The following ADGRV1 variants were observed in gnomAD, a reference collection of about 807,000 sequenced individuals.
ADGRV1 encodes the protein adhesion G protein-coupled receptor V1.
In ADGRV1, 359 loss-of-function variants were observed where a neutral mutation model predicts 596.2. That is an observed-to-expected ratio of 0.60 (90% confidence interval 0.55 to 0.66). The LOEUF (loss-of-function observed/expected upper bound fraction) is 0.66, where lower values mean the gene tolerates loss of function less well. Among genes scored for constraint, ADGRV1 ranks in the 30% least tolerant of loss-of-function variants. The pLI, the probability that ADGRV1 is intolerant of heterozygous loss-of-function variation, is 0.00. For missense variants in ADGRV1, 7,274 were observed against 7,575.6 expected, an observed-to-expected ratio of 0.96 and a Z score of 1.48; for synonymous variants, 2,681 against 2,679.2, an observed-to-expected ratio of 1.00 and a Z score of -0.02.
chr5:90,606,140 CT>C (rs1342551987), intron 1 of ADGRV1, among the ~76,000 whole-genome samples: 1 of 152,124 alleles, frequency 6.6e-6, no homozygotes, highest in Non-Finnish European at 1.5e-5. Context: ...CTTGGGATAC[CT>C]TTTTCTTAAA....
rs144561523 is a variant in ADGRV1 at position 90,703,939 on chromosome 5, A to G, written c.8286+144A>G. The stretch of plus-strand genomic sequence containing the variant: ...CTTCGTATGAATTCTTTGATGATGT[A>G]TTTAATTGTTTTTATCTTCCTTCTC... On this transcript the variant is annotated intron_variant, in intron 35 of 89. Coordinates refer to ENST00000405460, the MANE Select transcript of ADGRV1 (RefSeq NM_032119.4). 51 of 642,176 alleles carry G rather than the reference A, an allele frequency of 7.9e-5. No individual in the cohort carries two copies. In the East Asian group the frequency reaches 8.4e-4, roughly 11 times the overall value. The allele number at this position is 642,176 out of a possible 1,614,324, so 39.8% of individuals were successfully genotyped here. A position where few individuals can be genotyped will look rare whatever the true frequency, so the allele number is the denominator to read the frequency against.
At chr5:90,682,135 G>A (rs1318196012) in intron 27 of ADGRV1, among the ~76,000 whole-genome samples, 1 of 152,108 alleles carries the variant, frequency 6.6e-6, no homozygotes, top group Non-Finnish European at 1.5e-5. Flanking sequence ...CAAAGTGCTG[G>A]AAAAGATTTG....
At chr5:91,128,267 C>T (rs1178512715) in intron 87 of ADGRV1, among the ~76,000 whole-genome samples, 1 of 151,912 alleles carries the variant, frequency 6.6e-6, no homozygotes, top group Non-Finnish European at 1.5e-5. Flanking sequence ...TAGACAGTCC[C>T]TGACTTAGAA....
intron 59 of ADGRV1, among the ~76,000 whole-genome samples, chr5:90,772,591 G>C (rs1365946654): frequency 6.6e-6 from 1 of 152,124 alleles, no homozygotes; most frequent in Non-Finnish European, 1.5e-5. Flanking sequence ...ATGATTCTAA[G>C]TTTTTGCCAA....
intron 86 of ADGRV1, among the ~76,000 whole-genome samples, chr5:91,089,534 C>G (rs1790201955): frequency 6.6e-6 from 1 of 152,112 alleles, no homozygotes; most frequent in Non-Finnish European, 1.5e-5. Flanking sequence ...TGGCATTTAT[C>G]CAGATTGAGG....
At chr5:90,985,930 T>C (rs965506307) in intron 85 of ADGRV1, among the ~76,000 whole-genome samples, 1 of 152,072 alleles carries the variant, frequency 6.6e-6, no homozygotes, top group African/African-American at 2.4e-5. Context: ...ATAAGATCCC[T>C]GAATACTGAA....
intron 83 of ADGRV1, among the ~76,000 whole-genome samples, chr5:90,915,761 A>G (rs1449141978): frequency 6.6e-6 from 1 of 152,188 alleles, no homozygotes; most frequent in Non-Finnish European, 1.5e-5. Flanking sequence ...ATCATTAAAC[A>G]AAGTACTAAG....
chr5:90,592,312 C>A (rs1759614332), intron 1 of ADGRV1, among the ~76,000 whole-genome samples: 1 of 152,172 alleles, frequency 6.6e-6, no homozygotes, highest in Non-Finnish European at 1.5e-5. Context: ...GCATTTGCAG[C>A]AACCTGGATG....
At chr5:90,808,248 T>A (rs1762095834) in intron 73 of ADGRV1, among the ~76,000 whole-genome samples, 1 of 152,164 alleles carries the variant, frequency 6.6e-6, no homozygotes, top group Admixed American at 6.5e-5. Context: ...CCAAAAGCAA[T>A]TTACTTTCCT....
rs148524722 is a variant in ADGRV1 at position 90,638,741 on chromosome 5, A to G, written c.2240+793A>G. Among the ~76,000 whole-genome samples the G allele has an allele frequency of 1.2e-3, 186 of 152,268 alleles. 1 individual carries two copies. Among genetic ancestry groups the G allele is most frequent in the African/African-American group, 4.2e-3 (176 of 41,568 alleles). ...TTAGAAACAATAAAATTCAAGATAA[A>G]TTCAAGGGACATTTTGTGTTACATT... is the stretch of plus-strand genomic sequence containing the variant. On this transcript the variant is annotated intron_variant, in intron 11 of 89. Transcript: ENST00000405460.
chr5:90,802,925 G>T, intron 71 of ADGRV1, 43 bp downstream of exon 71: 1 of 1,516,664 alleles, frequency 6.6e-7, no homozygotes. Context: ...AACACTAGAG[G>T]GCAGCTTTTA....
At chr5:90,823,383 T>A (rs746143437) in intron 75 of ADGRV1, 42 bp from the exon 76 acceptor site, 1 of 1,594,292 alleles carries the variant, frequency 6.3e-7, no homozygotes, top group Admixed American at 1.7e-5. Flanking sequence ...GACATGGGGA[T>A]GACACCCTCT....
chr5:90,793,519 C>G (rs1040460644), intron 70 of ADGRV1, among the ~76,000 whole-genome samples: 5 of 152,184 alleles, frequency 3.3e-5, no homozygotes, highest in Non-Finnish European at 7.3e-5. Flanking sequence ...CAAAATTGCT[C>G]TCAGGCATAA....
intron 41 of ADGRV1, among the ~76,000 whole-genome samples, chr5:90,711,851 A>G (rs941664527): frequency 5.9e-5 from 9 of 152,116 alleles, no homozygotes; most frequent in Admixed American, 6.5e-5. Context: ...ATCTCGGCTC[A>G]CTGCAACCTC....
At chr5:90,734,551 T>C (rs1180478397) in intron 50 of ADGRV1, among the ~76,000 whole-genome samples, 2 of 152,086 alleles carry the variant, frequency 1.3e-5, no homozygotes, top group Non-Finnish European at 2.9e-5. Context: ...AAGGCATCTT[T>C]TAAGAAGTGT....
At chr5:91,049,709 G>A (rs2151302734) in intron 85 of ADGRV1, among the ~76,000 whole-genome samples, 1 of 152,296 alleles carries the variant, frequency 6.6e-6, no homozygotes, top group Middle Eastern at 3.4e-3. Flanking sequence ...GGCAATCTCA[G>A]ACAAATATAA....
At chr5:91,095,572 C>T (rs2126608864) in intron 86 of ADGRV1, among the ~76,000 whole-genome samples, 1 of 152,156 alleles carries the variant, frequency 6.6e-6, no homozygotes, top group Non-Finnish European at 1.5e-5. Flanking sequence ...TGGTGTTAAT[C>T]CTTGTCAGGA....
At chr5:90,659,855 A>AC (rs1466536748) in intron 21 of ADGRV1, among the ~76,000 whole-genome samples, 3 of 151,932 alleles carry the variant, frequency 2.0e-5, no homozygotes, top group African/African-American at 4.8e-5. Flanking sequence ...ACATGGTGAA[A>AC]CCCCGTCTCT....
At chr5:90,663,316 A>G (rs1770708042) in intron 21 of ADGRV1, among the ~76,000 whole-genome samples, 1 of 149,976 alleles carries the variant, frequency 6.7e-6, no homozygotes, top group East Asian at 2.0e-4. Flanking sequence ...AACTGGTGTG[A>G]GATGGTATCT....
Sources: allele counts gnomAD v4.1 joint callset (sites outside exome capture counted in the v4.1 genomes callset), GRCh38; gene constraint gnomAD v4.1.1; transcripts MANE v1.5; gene names NCBI Gene and HGNC (gene_info 2026-07-23, HGNC 2026-07-21).